SCN7A: variants seen among roughly 807,000 people sequenced by gnomAD.
The protein encoded by SCN7A is sodium voltage-gated channel alpha subunit 7.
SCN7A carries 138 observed loss-of-function variants against 155.2 expected under a neutral mutation model. The ratio of observed to expected loss-of-function variants is 0.89; its 90% CI spans 0.77 to 1.02. The LOEUF is 1.02. Among genes scored for constraint, SCN7A ranks in the 50% least tolerant of loss-of-function variants. The probability of loss-of-function intolerance (pLI) is 0.00; values close to 1 mark genes in which losing one functional copy is unlikely to be tolerated. For synonymous variants in SCN7A, 693 were observed against 649.0 expected (o/e 1.07, Z -1.03); for missense variants, 2,058 against 1,986.6 (o/e 1.04, Z -0.68).
At chr2:166,475,546 T>C (rs1049352393) in intron 3 of SCN7A, among the ~76,000 whole-genome samples, 8 of 151,774 alleles carry the variant, frequency 5.3e-5, no homozygotes, top group Non-Finnish European at 7.4e-5. Context: ...ACCTACACTA[T>C]AGCTATTTTC....
At chr2:166,454,706 A>T (rs1305184343) in intron 11 of SCN7A, among the ~76,000 whole-genome samples, 1 of 152,014 alleles carries the variant, frequency 6.6e-6, no homozygotes, top group Non-Finnish European at 1.5e-5. Flanking sequence ...CTCAATATAG[A>T]CCTTTTTCCC....
At chr2:166,478,487 T>C (rs1702850631) in intron 2 of SCN7A, among the ~76,000 whole-genome samples, 2 of 151,798 alleles carry the variant, frequency 1.3e-5, no homozygotes, top group South Asian at 4.1e-4. Context: ...TCCCAAATGC[T>C]TTCTTCCCCC....
At chr2:166,410,008 C>A in intron 24 of SCN7A, 73 bp from the exon 25 acceptor site, 1 of 1,342,672 alleles carries the variant, frequency 7.4e-7, no homozygotes, top group Non-Finnish European at 9.9e-7. Flanking sequence ...CTTTTATACA[C>A]TACAACTTTC....
chr2:166,436,907 T>A (rs1701851313), intron 15 of SCN7A, among the ~76,000 whole-genome samples: 1 of 152,118 alleles, frequency 6.6e-6, no homozygotes, highest in South Asian at 2.1e-4. Flanking sequence ...CAGAAGAAAT[T>A]TCTAAGTGGC....
chr2:166,405,782 A>G lies in SCN7A; in HGVS notation c.4847T>C (p.Ile1616Thr), dbSNP rs912169071. 2 of 1,613,022 alleles carry G rather than the reference A, an allele frequency of 1.2e-6. No individual in the cohort carries two copies. Among genetic ancestry groups the G allele is most frequent in the Non-Finnish European group, 1.7e-6 (2 of 1,179,358 alleles). The part of the protein sequence containing the change: ...ANPFKITCEP[I>T]TTTLKRKQEA... ...TTGTTTTCGTTTCAAAGTAGTCGTA[A>G]TTGGCTCACATGTGATCTTAAAAGG... Residue 1616 changes from isoleucine to threonine, a missense_variant, in exon 26 of 26, where the codon ATT becomes ACT. Coordinates refer to ENST00000643258, the MANE Select transcript of SCN7A (RefSeq NM_002976.4).
Position 166,444,981 on chromosome 2 carries a change from C to T in SCN7A, c.1407G>A (p.Lys469=), listed in dbSNP as rs777993908. ...RHKEELEKSK[K]ICPLYWYKFA... ...ACTTATACCAGTATAATGGGCATAT[C>T]TTCTTGGATTTTTCAAGTTCTGAAA... The change falls in exon 13 of 26, where the codon AAG becomes AAA. Residue 469 remains lysine, a synonymous_variant. Transcript: ENST00000643258. 1 of 1,608,060 alleles carries T rather than the reference C, an allele frequency of 6.2e-7. No individual in the cohort carries two copies. The highest frequency in any genetic ancestry group is 8.5e-7 in the Non-Finnish European group (1 of 1,175,604).
rs1405959640 is a variant in SCN7A, at chr2:166,462,493, T to C, written c.979A>G (p.Ile327Val). The change falls in exon 10 of 26, where the codon ATA (isoleucine) becomes GTA (valine). Residue 327 changes from isoleucine to valine, a missense_variant. Physicochemically the swap from Ile to Val is conservative, Grantham distance 29. Transcript: ENST00000643258. ...PEGYVCVKAG[I>V]NPDQGFTNFD... Reference sequence around the variant, plus strand: ...TTTGTGAAGCCTTGATCAGGATTTATGCCAGCTTTTACACACACATATCCT... The same window carrying C: ...TTTGTGAAGCCTTGATCAGGATTTACGCCAGCTTTTACACACACATATCCT... 3 of 1,613,750 alleles carry C rather than the reference T, an allele frequency of 1.9e-6. No homozygotes were observed. Among genetic ancestry groups the C allele is most frequent in the Non-Finnish European group, 1.7e-6 (2 of 1,179,842 alleles).
rs1048477984 is a variant in SCN7A, at chr2:166,494,217, G to C, written c.-377C>G. 2 of 152,394 alleles carry C rather than the reference G, an allele frequency of 1.3e-5. No homozygotes were observed. The highest frequency in any genetic ancestry group is 2.9e-5 in the Non-Finnish European group (2 of 68,296). The allele number at this position is 152,394 out of a possible 1,614,324, so 9.4% of individuals were successfully genotyped here. On this transcript the variant is annotated 5_prime_UTR_variant, in exon 1 of 26. Coordinates refer to ENST00000643258, the MANE Select transcript of SCN7A (RefSeq NM_002976.4). ...GGGCGACTCTCCAGCCACTGACCCA[G>C]AGACCCCTCCTACCCAGATGTCCAG...
chr2:166,453,513 G>A (rs1195360904), intron 11 of SCN7A, among the ~76,000 whole-genome samples: 1 of 152,118 alleles, frequency 6.6e-6, no homozygotes, highest in Non-Finnish European at 1.5e-5. Flanking sequence ...TTAGTATAGT[G>A]TAAGCACAGC....
At chr2:166,474,461 TC>T (rs763183516) in intron 3 of SCN7A, 117 bp from the exon 4 acceptor site, 6 of 377,824 alleles carry the variant, frequency 1.6e-5, no homozygotes, top group Non-Finnish European at 2.4e-5. Context: ...GCCATACTCT[TC>T]TTTTTTTATA....
intron 12 of SCN7A, among the ~76,000 whole-genome samples, chr2:166,446,717 G>T (rs1181881091): frequency 6.6e-6 from 1 of 152,172 alleles, no homozygotes; most frequent in Non-Finnish European, 1.5e-5. Flanking sequence ...TATGTCCTTT[G>T]CAGGGACATG....
In SCN7A at chr2:166,406,636, C is replaced by A. The variant is rs148363076; in HGVS notation, c.3993G>T (p.Leu1331=). 2.4e-5 allele frequency: 38 copies of A among 1,601,724 alleles called. No individual in the cohort carries two copies. The highest frequency in any genetic ancestry group is 1.0e-4 in the Admixed American group (6 of 58,930). ...CAAGGTAGGATCCTACTGTCATAGG[C>A]AGACATAGTCCTGGGGGTGGGAAAG... ...VVIFSITGLC[L]PMTVGSYLVP... is the part of the protein sequence containing the mutation. The change falls in exon 26 of 26, where the codon CTG becomes CTT. Residue 1331 remains leucine, a synonymous_variant. Coordinates refer to ENST00000643258, the MANE Select transcript of SCN7A (RefSeq NM_002976.4).
At chr2:166,438,139 G>A (rs184163558) in intron 15 of SCN7A, among the ~76,000 whole-genome samples, 437 of 152,236 alleles carry the variant, frequency 2.9e-3, no homozygotes, top group African/African-American at 0.01. Context: ...ATGTGTTATG[G>A]GAGGGACTTG....
intron 15 of SCN7A, 36 bp from the exon 16 acceptor site, chr2:166,432,788 C>G (rs1701762181): frequency 7.1e-7 from 1 of 1,401,422 alleles, no homozygotes; most frequent in Non-Finnish European, 9.4e-7. Context: ...AAATGTATCT[C>G]ATTTTGTTTC....
At chr2:166,467,299 A>G (rs1702555763) in intron 7 of SCN7A, among the ~76,000 whole-genome samples, 1 of 151,900 alleles carries the variant, frequency 6.6e-6, no homozygotes. Flanking sequence ...TTCTGTAGTT[A>G]CTATTCCAAA....
intron 1 of SCN7A, among the ~76,000 whole-genome samples, chr2:166,493,426 A>G (rs1365630169): frequency 6.6e-6 from 1 of 152,254 alleles, no homozygotes; most frequent in African/African-American, 2.4e-5. Context: ...TGCAAAAACA[A>G]CAACAACAAT....
Position 166,465,863 on chromosome 2 carries a change from C to T in SCN7A, c.789G>A (p.Leu263=). 6.2e-7 allele frequency: 1 copy of T among 1,613,836 alleles called. No homozygotes were observed. The highest frequency in any genetic ancestry group is 8.5e-7 in the Non-Finnish European group (1 of 1,179,840). ...GGGGCCATCGAAAACATTTATGTTT[C>T]AAGTTGCCCATGAAGAGCCCCATCC... The part of the protein sequence containing the change: ...LIGMGLFMGN[L]KHKCFRWPQE... The change falls in exon 8 of 26, where the codon TTG becomes TTA. Residue 263 remains leucine (L), a synonymous_variant. Transcript: ENST00000643258.
intron 15 of SCN7A, among the ~76,000 whole-genome samples, chr2:166,438,739 T>C (rs1174205354): frequency 6.6e-6 from 1 of 152,058 alleles, no homozygotes. Context: ...CTTCTACTTA[T>C]TCTACTGCCA....
chr2:166,423,189 G>T, intron 19 of SCN7A, 70 bp downstream of exon 19: 1 of 1,438,308 alleles, frequency 7.0e-7, no homozygotes, highest in Non-Finnish European at 9.5e-7. Flanking sequence ...AAACTGACAG[G>T]AAGTGAAAGA....
Sources: allele counts gnomAD v4.1 joint callset (sites outside exome capture counted in the v4.1 genomes callset), GRCh38; gene constraint gnomAD v4.1.1; transcripts MANE v1.5; gene names NCBI Gene and HGNC (gene_info 2026-07-23, HGNC 2026-07-21).